Variants in RNGTT observed in about 807,000 individuals in gnomAD.
RNGTT encodes RNA guanylyltransferase and 5'-phosphatase.
In RNGTT, 33 loss-of-function variants were observed where a neutral mutation model predicts 79.3. The observed-to-expected ratio is 0.42, with a 90% CI of 0.32 to 0.56. The LOEUF (loss-of-function observed/expected upper bound fraction) is 0.56, where lower values mean the gene tolerates loss of function less well. Among genes scored for constraint, RNGTT ranks in the 20% least tolerant of loss-of-function variants. The pLI, the probability that RNGTT is intolerant of heterozygous loss-of-function variation, is 0.17. For synonymous variants in RNGTT, 222 were observed against 235.9 expected, an observed-to-expected ratio of 0.94 and a Z score of 0.54; for missense variants, 497 against 739.1, an observed-to-expected ratio of 0.67 and a Z score of 3.80.
chr6:88,699,901 C>G (rs150279598), intron 13 of RNGTT, among the ~76,000 whole-genome samples: 3 of 151,994 alleles, frequency 2.0e-5, no homozygotes, highest in Non-Finnish European at 4.4e-5. Flanking sequence ...TAGTGGTTAC[C>G]AGGGGTGAAG....
At chr6:88,801,698 T>C (rs1357193125) in intron 11 of RNGTT, 66 bp from the exon 12 acceptor site, 2 of 1,071,948 alleles carry the variant, frequency 1.9e-6, no homozygotes, top group African/African-American at 3.2e-5. Context: ...TTTAAACTTC[T>C]TGCTAAGCTT....
chr6:88,779,094 GAA>G (rs142925910), intron 12 of RNGTT, among the ~76,000 whole-genome samples: 20,809 of 152,118 alleles, frequency 0.14, 1,555 homozygotes, highest in Middle Eastern at 0.24. Flanking sequence ...TTATTTGACA[GAA>G]AAGTCACAGG....
At chr6:88,647,701 T>TTAAAAAAAAAAA (rs1773623787) in intron 14 of RNGTT, among the ~76,000 whole-genome samples, 1 of 100,892 alleles carries the variant, frequency 9.9e-6, no homozygotes, top group Non-Finnish European at 1.8e-5. Context: ...GACACCCTGT[T>TTAAAAAAAAAAA]AAAAAAAAAA....
At chr6:88,800,687 GTGTGGGGCTGAGCTGCA>G (rs1779756291) in intron 12 of RNGTT, among the ~76,000 whole-genome samples, 1 of 152,196 alleles carries the variant, frequency 6.6e-6, no homozygotes, top group African/African-American at 2.4e-5. Context: ...TACTCAATAG[GTGTGGGGCTGAGCTGCA>G]TCTGTGAAAC....
chr6:88,913,092 C>A (rs1241378760), intron 4 of RNGTT, among the ~76,000 whole-genome samples: 5 of 151,840 alleles, frequency 3.3e-5, no homozygotes, highest in Non-Finnish European at 4.4e-5. Flanking sequence ...GTAATCCCAG[C>A]TAATCGGGAG....
chr6:88,961,440 CTTT>C (rs1269934487), intron 1 of RNGTT, among the ~76,000 whole-genome samples: 2 of 144,740 alleles, frequency 1.4e-5, no homozygotes, highest in Non-Finnish European at 1.5e-5. Context: ...GTACAAATTA[CTTT>C]TTTTTTTTTT....
At chr6:88,683,413 A>T (rs1180791321) in intron 13 of RNGTT, among the ~76,000 whole-genome samples, 1 of 152,146 alleles carries the variant, frequency 6.6e-6, no homozygotes, top group Non-Finnish European at 1.5e-5. Context: ...AAAATAGAAA[A>T]TCTTAGATGT....
chr6:88,669,095 C>G (rs929421526), intron 14 of RNGTT, among the ~76,000 whole-genome samples: 2 of 152,114 alleles, frequency 1.3e-5, no homozygotes, highest in African/African-American at 2.4e-5. Context: ...CACTGGAAGA[C>G]AGGAGAAAAT....
chr6:88,891,655 G>T, intron 7 of RNGTT, 151 bp downstream of exon 7: 1 of 452,844 alleles, frequency 2.2e-6, no homozygotes, highest in Non-Finnish European at 3.8e-6. Context: ...TCTGGTTATT[G>T]CATTGATTGT....
chr6:88,617,713 T>C (rs965162477), intron 14 of RNGTT, among the ~76,000 whole-genome samples: 1 of 152,154 alleles, frequency 6.6e-6, no homozygotes, highest in Non-Finnish European at 1.5e-5. Flanking sequence ...TTTTAATTTC[T>C]GCAAAAAATA....
At chr6:88,711,151 A>G (rs1776304453) in intron 13 of RNGTT, among the ~76,000 whole-genome samples, 1 of 152,188 alleles carries the variant, frequency 6.6e-6, no homozygotes, top group African/African-American at 2.4e-5. Context: ...AAAAAGCTTC[A>G]CTTTTAAATT....
At chr6:88,727,888 C>G (rs1776972643) in intron 13 of RNGTT, among the ~76,000 whole-genome samples, 1 of 152,146 alleles carries the variant, frequency 6.6e-6, no homozygotes, top group Non-Finnish European at 1.5e-5. Flanking sequence ...GCAGAGGTAC[C>G]ACCCCTAGAA....
At chr6:88,930,265 TTTG>T (rs1216289934) in intron 2 of RNGTT, among the ~76,000 whole-genome samples, 1 of 150,042 alleles carries the variant, frequency 6.7e-6, no homozygotes, top group Non-Finnish European at 1.5e-5. Flanking sequence ...TGTCCCTTTC[TTTG>T]TTATTAACAA....
intron 13 of RNGTT, among the ~76,000 whole-genome samples, chr6:88,727,327 A>G (rs956762537): frequency 6.6e-6 from 1 of 152,150 alleles, no homozygotes; most frequent in Non-Finnish European, 1.5e-5. Context: ...AAAAGGTTAA[A>G]AAATTTTTTC....
chr6:88,937,664 T>C (rs1426756788), intron 2 of RNGTT, among the ~76,000 whole-genome samples: 1 of 152,214 alleles, frequency 6.6e-6, no homozygotes, highest in Non-Finnish European at 1.5e-5. Flanking sequence ...TTCTACATTT[T>C]TGATGTAGGC....
At chr6:88,902,969 C>T (rs1311583844) in intron 6 of RNGTT, among the ~76,000 whole-genome samples, 1 of 152,078 alleles carries the variant, frequency 6.6e-6, no homozygotes, top group African/African-American at 2.4e-5. Flanking sequence ...GCTGGGATTA[C>T]AGGCGTGAGC....
At chr6:88,901,317 G>A (rs1013230308) in intron 6 of RNGTT, among the ~76,000 whole-genome samples, 1 of 151,604 alleles carries the variant, frequency 6.6e-6, no homozygotes, top group African/African-American at 2.4e-5. Flanking sequence ...CATACACCAC[G>A]CAGGATAAAT....
intron 1 of RNGTT, among the ~76,000 whole-genome samples, chr6:88,948,492 G>A (rs1785108807): frequency 6.9e-6 from 1 of 144,470 alleles, no homozygotes; most frequent in African/African-American, 2.6e-5. Flanking sequence ...GGAGGTGGGG[G>A]GGTCAGCCCC....
chr6:88,900,283 A>C (rs1038394457), intron 6 of RNGTT, among the ~76,000 whole-genome samples: 1 of 152,212 alleles, frequency 6.6e-6, no homozygotes, highest in African/African-American at 2.4e-5. Flanking sequence ...TGAAATGACA[A>C]GATGAAGAAT....
Sources: allele counts gnomAD v4.1 joint callset (sites outside exome capture counted in the v4.1 genomes callset), GRCh38; gene constraint gnomAD v4.1.1; transcripts MANE v1.5; gene names NCBI Gene and HGNC (gene_info 2026-07-23, HGNC 2026-07-21).